The following ANKRD10 variants were observed in gnomAD, a reference collection of about 807,000 sequenced individuals.
ANKRD10 encodes the protein ankyrin repeat domain 10, also known as ankyrin repeat domain-containing protein 10.
ANKRD10 carries 14 observed loss-of-function variants against 27.0 expected under a neutral mutation model. The ratio of observed to expected loss-of-function variants is 0.52; its 90% CI spans 0.34 to 0.81. The LOEUF is 0.81. Ranked by LOEUF, ANKRD10 falls within the 40% of genes least tolerant of loss-of-function variation. The pLI is 0.01. For synonymous variants in ANKRD10, 250 were observed against 224.5 expected, an observed-to-expected ratio of 1.11 and a Z score of -1.01; for missense variants, 493 against 544.0, an observed-to-expected ratio of 0.91 and a Z score of 0.93.
Position 110,906,104 on chromosome 13 carries a change from G to A in ANKRD10, c.384C>T (p.Pro128=), listed in dbSNP as rs767029319. 16 of 1,601,670 alleles carry A rather than the reference G, an allele frequency of 1.0e-5. No homozygotes were observed. The South Asian group carries it at 1.8e-4, about 18-fold the overall frequency. The change falls in exon 3 of 6, where the codon CCC becomes CCT. Residue 128 remains proline, a synonymous_variant. Coordinates refer to ENST00000267339, the MANE Select transcript of ANKRD10 (RefSeq NM_017664.4). ...INKPDCEGET[P]IHKAARSGSL... ...TCCCAGAGCGAGCTGCCTTGTGAAT[G>A]GGAGTTTCACCCTCACAATCCTGAA... is the stretch of plus-strand genomic sequence containing the variant.
chr13:110,897,206 A>G (rs996171299), intron 3 of ANKRD10, among the ~76,000 whole-genome samples: 1 of 151,038 alleles, frequency 6.6e-6, no homozygotes. Context: ...AGTTCACCAC[A>G]CCCTGGAACT....
At chr13:110,896,186 C>A (rs1398919835) in intron 3 of ANKRD10, among the ~76,000 whole-genome samples, 1 of 152,130 alleles carries the variant, frequency 6.6e-6, no homozygotes. Flanking sequence ...CACATGGTAA[C>A]TGGAGGAATT....
In ANKRD10 at chr13:110,914,920, T is replaced by C. The variant is rs895294676; in HGVS notation, c.15A>G (p.Gly5=). 1 of 1,534,002 alleles carries C rather than the reference T, an allele frequency of 6.5e-7. No homozygotes were observed. The change falls in exon 1 of 6, where the codon GGA becomes GGG. Residue 5 remains glycine (G), a synonymous_variant. Coordinates refer to ENST00000267339, the MANE Select transcript of ANKRD10 (RefSeq NM_017664.4). ...AGCCCGCCTCTACGCCCGCGCCCGC[T>C]CCCGCCGCCGACATGGTCCGTCACC... MSAA[G]AGAGVEAGFS...
intron 2 of ANKRD10, among the ~76,000 whole-genome samples, chr13:110,909,650 CT>C (rs554003903): frequency 1.7e-4 from 26 of 152,324 alleles, no homozygotes; most frequent in Non-Finnish European, 3.1e-4. Flanking sequence ...ACTTACCCCA[CT>C]TTCCCATTGA....
chr13:110,913,537 T>C (rs2065783500), intron 1 of ANKRD10, among the ~76,000 whole-genome samples: 1 of 152,200 alleles, frequency 6.6e-6, no homozygotes, highest in African/African-American at 2.4e-5. Flanking sequence ...TTCATTTCTT[T>C]TATTGAAAGA....
chr13:110,906,982 G>C (rs1284723681), intron 2 of ANKRD10, among the ~76,000 whole-genome samples: 1 of 152,160 alleles, frequency 6.6e-6, no homozygotes, highest in East Asian at 1.9e-4. Context: ...CTAAGCAAGA[G>C]AGGGGAAAGG....
At chr13:110,910,842 G>C in intron 1 of ANKRD10, 72 bp from the exon 2 acceptor site, 1 of 1,424,562 alleles carries the variant, frequency 7.0e-7, no homozygotes, top group East Asian at 2.6e-5. Flanking sequence ...ATGAATAATC[G>C]AAATTCTATA....
At chr13:110,883,137 C>T (rs151018806) in intron 5 of ANKRD10, 5 of 152,298 alleles carry the variant, frequency 3.3e-5, no homozygotes, top group African/African-American at 1.2e-4. Flanking sequence ...GAATGAAGAC[C>T]ACAGAAACCA....
intron 2 of ANKRD10, among the ~76,000 whole-genome samples, chr13:110,909,921 T>C (rs2065647652): frequency 6.6e-6 from 1 of 152,238 alleles, no homozygotes; most frequent in South Asian, 2.1e-4. Flanking sequence ...ATGAAAATTA[T>C]CAATTAGTCT....
chr13:110,907,637 A>G (rs1310391321), intron 2 of ANKRD10, among the ~76,000 whole-genome samples: 1 of 152,232 alleles, frequency 6.6e-6, no homozygotes, highest in African/African-American at 2.4e-5. Flanking sequence ...AAGCAATGTA[A>G]AGTTCTAAAC....
intron 3 of ANKRD10, chr13:110,894,408 A>AAAAAAAAAAAAAC (rs2065167831): frequency 4.2e-6 from 1 of 237,372 alleles, no homozygotes; most frequent in South Asian, 1.5e-4. Flanking sequence ...TAATGCAAAA[A>AAAAAAAAAAAAAC]AAAAAAAAAA....
chr13:110,911,187 T>C (rs1248032864), intron 1 of ANKRD10, among the ~76,000 whole-genome samples: 2 of 152,204 alleles, frequency 1.3e-5, no homozygotes, highest in Non-Finnish European at 2.9e-5. Context: ...CAGTGGCTCA[T>C]GCCTGTAATC....
chr13:110,913,746 C>G (rs768731254), intron 1 of ANKRD10, among the ~76,000 whole-genome samples: 1 of 152,178 alleles, frequency 6.6e-6, no homozygotes, highest in Non-Finnish European at 1.5e-5. Context: ...AACCCCATCT[C>G]ATCACTTACG....
intron 2 of ANKRD10, among the ~76,000 whole-genome samples, chr13:110,909,852 G>A (rs1272600393): frequency 2.0e-5 from 3 of 152,198 alleles, no homozygotes; most frequent in Non-Finnish European, 4.4e-5. Context: ...AGCATTTAAA[G>A]ATAGGAGTAA....
chr13:110,890,756 C>A (rs1280636983), intron 4 of ANKRD10, among the ~76,000 whole-genome samples: 2 of 152,152 alleles, frequency 1.3e-5, no homozygotes, highest in African/African-American at 4.8e-5. Flanking sequence ...TCTAAATTAG[C>A]ACCCTCGGGC....
intron 3 of ANKRD10, among the ~76,000 whole-genome samples, chr13:110,893,714 C>T (rs959050171): frequency 3.9e-5 from 6 of 152,240 alleles, no homozygotes; most frequent in African/African-American, 7.2e-5. Context: ...GGCTCACCAA[C>T]GAGCCAGCCT....
intron 4 of ANKRD10, among the ~76,000 whole-genome samples, chr13:110,884,235 G>A (rs1269988822): frequency 6.6e-6 from 1 of 151,852 alleles, no homozygotes; most frequent in Non-Finnish European, 1.5e-5. Flanking sequence ...TAATGTAAAG[G>A]CTAAGAGACT....
At position 110,879,669 on chromosome 13, in the gene ANKRD10, G is replaced by T. The variant is rs140518706; in HGVS notation, c.1231C>A (p.Leu411Met). The T allele has an allele frequency of 6.2e-7, 1 of 1,613,716 alleles. No individual in the cohort carries two copies. ...CCGTGGTGCAGGTGCATGGTGCCCA[G>T]CACGGCACTGTCGTACCGCTCCTGC... ...KVQERYDSAV[L>M]GTMHLHHGS The change falls in exon 6 of 6, where the codon CTG becomes ATG. Residue 411 changes from leucine (L) to methionine (M), a missense_variant. Transcript: ENST00000267339.
At chr13:110,914,697 AAT>A (rs1167537706) in intron 1 of ANKRD10, 26 bp downstream of exon 1, 5 of 1,541,874 alleles carry the variant, frequency 3.2e-6, no homozygotes, top group Middle Eastern at 1.8e-4. Flanking sequence ...AGCCGGGGAA[AAT>A]GGCGCCTTAA....
Sources: allele counts gnomAD v4.1 joint callset (sites outside exome capture counted in the v4.1 genomes callset), GRCh38; gene constraint gnomAD v4.1.1; transcripts MANE v1.5; gene names NCBI Gene and HGNC (gene_info 2026-07-23, HGNC 2026-07-21).